FNDC3B: variants seen among roughly 807,000 people sequenced by gnomAD.
FNDC3B encodes the protein fibronectin type III domain containing 3B, also known as fibronectin type III domain-containing protein 3B.
FNDC3B carries 12 observed loss-of-function variants against 151.5 expected under a neutral mutation model. That is an observed-to-expected ratio of 0.08 (90% CI 0.05 to 0.13). The LOEUF is 0.13. FNDC3B is among the 10% of genes least tolerant of loss of function. The pLI is 1.00. For synonymous variants in FNDC3B, 528 were observed against 549.0 expected (o/e 0.96, Z 0.54); for missense variants, 1,214 against 1,505.3 (o/e 0.81, Z 3.20).
chr3:172,273,486 T>C (rs770236840), intron 6 of FNDC3B, among the ~76,000 whole-genome samples: 12 of 152,212 alleles, frequency 7.9e-5, no homozygotes, highest in Non-Finnish European at 1.6e-4. Context: ...CTGATCATAA[T>C]ATAGGGGCCT....
intron 3 of FNDC3B, among the ~76,000 whole-genome samples, chr3:172,197,451 A>G (rs1329032909): frequency 1.3e-5 from 2 of 152,216 alleles, no homozygotes; most frequent in Admixed American, 6.5e-5. Flanking sequence ...CTGCATAACT[A>G]CAATACAACC....
At chr3:172,195,217 A>G (rs1724762978) in intron 3 of FNDC3B, among the ~76,000 whole-genome samples, 2 of 151,744 alleles carry the variant, frequency 1.3e-5, no homozygotes, top group Non-Finnish European at 2.9e-5. Flanking sequence ...TTAACTTAGC[A>G]TTCCATTTTT....
At chr3:172,075,553 A>G (rs1717965814) in intron 1 of FNDC3B, among the ~76,000 whole-genome samples, 1 of 151,960 alleles carries the variant, frequency 6.6e-6, no homozygotes, top group Non-Finnish European at 1.5e-5. Context: ...GTGGATATTG[A>G]CCCTTCAACT....
At chr3:172,144,184 A>AGG (rs1225298761) in intron 3 of FNDC3B, among the ~76,000 whole-genome samples, 1 of 152,070 alleles carries the variant, frequency 6.6e-6, no homozygotes, top group East Asian at 1.9e-4. Context: ...AAGAGAGAGA[A>AGG]GGGAGAGGTC....
At chr3:172,349,091 A>C (rs1306046891) in intron 21 of FNDC3B, among the ~76,000 whole-genome samples, 1 of 151,720 alleles carries the variant, frequency 6.6e-6, no homozygotes, top group Non-Finnish European at 1.5e-5. Flanking sequence ...GGAGATAGAG[A>C]CTAGCCTGGA....
intron 3 of FNDC3B, among the ~76,000 whole-genome samples, chr3:172,204,077 A>G (rs1281838812): frequency 6.6e-6 from 1 of 152,228 alleles, no homozygotes; most frequent in Non-Finnish European, 1.5e-5. Context: ...CTGTCCAAAC[A>G]GATCTGTGTT....
intron 22 of FNDC3B, among the ~76,000 whole-genome samples, chr3:172,362,150 G>A (rs1734396576): frequency 6.6e-6 from 1 of 152,142 alleles, no homozygotes. Context: ...TCTAGATAAG[G>A]ACTTGCAGAG....
At chr3:172,319,585 C>G (rs1731978747) in intron 11 of FNDC3B, among the ~76,000 whole-genome samples, 1 of 152,130 alleles carries the variant, frequency 6.6e-6, no homozygotes, top group Admixed American at 6.5e-5. Context: ...TTTGAAACAT[C>G]CTCTGTGCCA....
chr3:172,292,687 G>GT (rs1242143888), intron 7 of FNDC3B, among the ~76,000 whole-genome samples: 2 of 152,158 alleles, frequency 1.3e-5, no homozygotes, highest in African/African-American at 4.8e-5. Context: ...TTGGCTGAGT[G>GT]TTTTCCAGTA....
intron 11 of FNDC3B, among the ~76,000 whole-genome samples, chr3:172,312,815 C>G (rs1441020463): frequency 6.6e-6 from 1 of 152,134 alleles, no homozygotes; most frequent in African/African-American, 2.4e-5. Context: ...AACTCAGTTA[C>G]CATTGCTCAG....
At position 172,146,588 on chromosome 3, in the gene FNDC3B, C is replaced by G. The variant is rs114613357; in HGVS notation, c.187+13042C>G. 5.6e-3 allele frequency among the ~76,000 whole-genome samples: 860 copies of G among 152,290 alleles called. 16 individuals carry two copies. The highest frequency in any genetic ancestry group is 0.02 in the African/African-American group (825 of 41,546). ...GAGAAGCTCTGGTTAACGTAACCCT[C>G]AGGACAGCTCAAGAAATTCTTGCAC... On this transcript the variant is annotated intron_variant, in intron 3 of 25. Coordinates refer to ENST00000415807, the MANE Select transcript of FNDC3B (RefSeq NM_022763.4).
intron 6 of FNDC3B, among the ~76,000 whole-genome samples, chr3:172,261,009 C>T (rs1560044760): frequency 6.6e-6 from 1 of 152,166 alleles, no homozygotes; most frequent in African/African-American, 2.4e-5. Context: ...TTCTCCCACC[C>T]ACATTCCTTG....
At chr3:172,259,121 G>C (rs1728517376) in intron 6 of FNDC3B, among the ~76,000 whole-genome samples, 1 of 152,150 alleles carries the variant, frequency 6.6e-6, no homozygotes. Context: ...TAAATTCTGA[G>C]TATTGCAAAA....
intron 3 of FNDC3B, among the ~76,000 whole-genome samples, chr3:172,171,062 G>T (rs1399199910): frequency 6.6e-6 from 1 of 152,210 alleles, no homozygotes; most frequent in Non-Finnish European, 1.5e-5. Flanking sequence ...TCTGTGCAGG[G>T]TCTATGTGGC....
At chr3:172,201,727 T>C (rs1196775827) in intron 3 of FNDC3B, among the ~76,000 whole-genome samples, 1 of 152,198 alleles carries the variant, frequency 6.6e-6, no homozygotes, top group Non-Finnish European at 1.5e-5. Flanking sequence ...GGCAGCTGTT[T>C]AGTGGATATC....
intron 2 of FNDC3B, 144 bp downstream of exon 2, chr3:172,112,734 G>T (rs1720039288): frequency 4.6e-6 from 3 of 647,350 alleles, no homozygotes; most frequent in Middle Eastern, 3.4e-4. Flanking sequence ...TAGAAATACT[G>T]TATCGTTTTT....
chr3:172,064,897 A>T (rs189752235), intron 1 of FNDC3B, among the ~76,000 whole-genome samples: 2 of 152,348 alleles, frequency 1.3e-5, no homozygotes, highest in East Asian at 3.9e-4. Flanking sequence ...TCTGCTAGTC[A>T]GTGGGGTTTA....
chr3:172,065,332 A>G (rs1285077511), intron 1 of FNDC3B, among the ~76,000 whole-genome samples: 1 of 152,198 alleles, frequency 6.6e-6, no homozygotes, highest in Non-Finnish European at 1.5e-5. Context: ...ACTCCGACTC[A>G]AAAGAAAAAA....
chr3:172,397,535 G>T lies in FNDC3B; in HGVS notation c.*60G>T, dbSNP rs1006006614. ...ACATTTTAATACACACATTTATTCAGATACTCCCCTTTTTAAAGCCCTTTT... is the reference window on the plus strand; with the variant it reads ...ACATTTTAATACACACATTTATTCATATACTCCCCTTTTTAAAGCCCTTTT... On this transcript the variant is annotated 3_prime_UTR_variant, in exon 26 of 26. Coordinates refer to ENST00000415807, the MANE Select transcript of FNDC3B (RefSeq NM_022763.4). 2.3e-5 allele frequency: 25 copies of T among 1,072,438 alleles called. No individual in the cohort carries two copies. The highest frequency in any genetic ancestry group is 3.2e-5 in the Non-Finnish European group (24 of 755,278). 66.4% of individuals were successfully genotyped at this position (1,072,438 alleles called of 1,614,324 possible). A position where few individuals can be genotyped will look rare whatever the true frequency, so the allele number is the denominator to read the frequency against.
Sources: gnomAD v4.1 joint callset for allele counts (sites outside exome capture counted in the v4.1 genomes callset) on GRCh38, gnomAD v4.1.1 for gene constraint, MANE v1.5 for transcripts, NCBI Gene and HGNC (gene_info 2026-07-23, HGNC 2026-07-21) for gene names.